Variants in CLIC1 observed in about 807,000 individuals in gnomAD.
CLIC1 encodes the protein chloride intracellular channel protein 1.
In CLIC1, 16 loss-of-function variants were observed where a neutral mutation model predicts 26.4. The ratio of observed to expected loss-of-function variants is 0.61; its 90% CI spans 0.41 to 0.92. The LOEUF (loss-of-function observed/expected upper bound fraction) is 0.92, where lower values mean the gene tolerates loss of function less well. Among genes scored for constraint, CLIC1 ranks in the 40% least tolerant of loss-of-function variants. The pLI is 0.00. For missense variants in CLIC1, 225 were observed against 289.7 expected (o/e 0.78, Z 1.62); for synonymous variants, 98 against 120.8 (o/e 0.81, Z 1.24).
chr6:31,730,963 GC>G lies in CLIC1; in HGVS notation c.604del (p.Ala202ProfsTer9). ...CAAGTACCGATGCACTCCCCGGAAG[GC>G]CTCGGGGATGGTGAATCCCCGGTAC... On this transcript the variant is annotated frameshift_variant, in exon 6 of 6. Transcript: ENST00000375784. LOFTEE classifies it high-confidence loss of function. The surrounding 1 kb of genome is among the most constrained non-coding windows in gnomAD (Gnocchi z 5.1). 6.2e-7 allele frequency: 1 copy of G among 1,613,000 alleles called. No homozygotes were observed.
chr6:31,733,501 G>T lies in CLIC1; in HGVS notation c.382+65C>A. 1.7e-6 allele frequency: 2 copies of T among 1,176,862 alleles called. No homozygotes were observed. The highest frequency in any genetic ancestry group is 2.5e-6 in the Non-Finnish European group (2 of 789,096). The allele number at this position is 1,176,862 out of a possible 1,614,324, so 72.9% of individuals were successfully genotyped here. On this transcript the variant is annotated intron_variant, in intron 4 of 5. Coordinates refer to ENST00000375784, the Ensembl canonical transcript of CLIC1. This position sits in a 1 kb window ranked among gnomAD's most constrained non-coding sequence, Gnocchi z 5.4. ...ATCTGAACGTCCAGGTGCCCCTAAT[G>T]TCTCCTACCCGCTGGGTCCTCTCTA...
Position 31,732,479 on chromosome 6 carries a change from T to C in CLIC1, c.383-81A>G, listed in dbSNP as rs1583860234. ...AAGGCCCGTTGGGGGTGGATACTAATGGTGAGTCCAAAATAATAATAGCTA... is the reference window on the plus strand; with the variant it reads ...AAGGCCCGTTGGGGGTGGATACTAACGGTGAGTCCAAAATAATAATAGCTA... On this transcript the variant is annotated intron_variant, in intron 4 of 5. Transcript: ENST00000375784. The surrounding 1 kb of genome is among the most constrained non-coding windows in gnomAD (Gnocchi z 5.0). The C allele has an allele frequency of 2.1e-6, 2 of 956,828 alleles. No individual in the cohort carries two copies. Among genetic ancestry groups the C allele is most frequent in the South Asian group, 2.3e-5 (1 of 43,570 alleles). 59.3% of individuals were successfully genotyped at this position (956,828 alleles called of 1,614,324 possible).
rs1442191438 is a variant in CLIC1 at position 31,736,367 on chromosome 6, C to T, written c.-67G>A. ...TGGGAGGGGCTGGGACCGGGGAAGG[C>T]GGGTCTCACACTCAGGGACTCTCTC... On this transcript the variant is annotated 5_prime_UTR_variant, in exon 1 of 6. Coordinates refer to ENST00000375784, the Ensembl canonical transcript of CLIC1. This position sits in a 1 kb window ranked among gnomAD's most constrained non-coding sequence, Gnocchi z 5.0. The T allele has an allele frequency of 1.9e-6, 3 of 1,610,788 alleles. No individual in the cohort carries two copies. Among genetic ancestry groups the T allele is most frequent in the East Asian group, 2.2e-5 (1 of 44,868 alleles).
At position 31,736,153 on chromosome 6, in the gene CLIC1, G is replaced by C; in HGVS notation, c.39+109C>G. On this transcript the variant is annotated intron_variant, in intron 1 of 5. Transcript: ENST00000375784. This position sits in a 1 kb window ranked among gnomAD's most constrained non-coding sequence, Gnocchi z 5.0. ...TCAACCAAAGAGTGCACGTGGGATT[G>C]GGGGTGGGAGTCAAGGAGGGAAGGG... 9.0e-7 allele frequency: 1 copy of C among 1,112,708 alleles called. No individual in the cohort carries two copies. Among genetic ancestry groups the C allele is most frequent in the Admixed American group, 1.7e-5 (1 of 58,006 alleles). The allele number at this position is 1,112,708 out of a possible 1,614,324, so 68.9% of individuals were successfully genotyped here.
In CLIC1 at chr6:31,731,008, G is replaced by T. The variant is rs1374785218; in HGVS notation, c.565-5C>A. The T allele has an allele frequency of 6.2e-7, 1 of 1,612,084 alleles. No homozygotes were observed. The highest frequency in any genetic ancestry group is 8.5e-7 in the Non-Finnish European group (1 of 1,179,682). On this transcript the variant is annotated splice_polypyrimidine_tract_variant and splice_region_variant and intron_variant, in intron 5 of 5. Coordinates refer to ENST00000375784, the Ensembl canonical transcript of CLIC1. ...CCGGTACTTCTTACACACCACCTGA[G>T]GATGGGGAGAGGAGAGGGACCAACA...
chr6:31,736,918 G>A, upstream of CLIC1: 7 of 985,734 alleles, frequency 7.1e-6, no homozygotes, highest in Non-Finnish European at 8.4e-6. The surrounding 1 kb of genome is among the most constrained non-coding windows in gnomAD (Gnocchi z 5.0). Flanking sequence ...TGTGGTCTGA[G>A]AGAAGAACTC....
At position 31,733,374 on chromosome 6, in the gene CLIC1, A is replaced by G. The variant is rs1248169060; in HGVS notation, c.382+192T>C. Among the ~76,000 whole-genome samples the G allele has an allele frequency of 6.6e-6, 1 of 152,176 alleles. No homozygotes were observed. The highest frequency in any genetic ancestry group is 1.5e-5 in the Non-Finnish European group (1 of 68,024). Reference sequence around the variant, plus strand: ...GAAGAGGCTAGGGAACAAATGAGAAAAGCTTAAAAGTCTTGGCCAATGAAA... The same window carrying G: ...GAAGAGGCTAGGGAACAAATGAGAAGAGCTTAAAAGTCTTGGCCAATGAAA... On this transcript the variant is annotated intron_variant, in intron 4 of 5. Coordinates refer to ENST00000375784, the Ensembl canonical transcript of CLIC1. The surrounding 1 kb of genome is among the most constrained non-coding windows in gnomAD (Gnocchi z 5.4).
At chr6:31,737,046 C>T (rs896144555), upstream of CLIC1, 31 of 603,672 alleles carry the variant, frequency 5.1e-5, no homozygotes, top group Non-Finnish European at 6.4e-5. Context: ...AGGTCCTGTG[C>T]CCCCCGCAGT....
chr6:31,731,108 C>A, intron 5 of CLIC1, 105 bp from the exon 6 acceptor site: 1 of 869,230 alleles, frequency 1.2e-6, no homozygotes, highest in Non-Finnish European at 1.8e-6. Context: ...CAACTCCTCA[C>A]TGTCTTGTAC....
rs1808204368 is a variant in CLIC1 at position 31,734,484 on chromosome 6, G to A, written c.40-221C>T. Among the ~76,000 whole-genome samples the A allele has an allele frequency of 1.3e-5, 2 of 152,244 alleles. No homozygotes were observed. The highest frequency in any genetic ancestry group is 2.4e-5 in the African/African-American group (1 of 41,466). ...AGGCTTCTGGTTCCCCAGACACTGA[G>A]GACAGGTGGGAGGTAGGTAGAGGGA... On this transcript the variant is annotated intron_variant, in intron 1 of 5. Transcript: ENST00000375784. The surrounding 1 kb of genome is among the most constrained non-coding windows in gnomAD (Gnocchi z 5.3).
Position 31,732,148 on chromosome 6 carries a change from A to C in CLIC1, c.564+69T>G, listed in dbSNP as rs1808007605. Reference sequence around the variant, plus strand: ...TCGTCTTTAGAGTGGTTGTCAGGGGAAGCCCATGTGGGAGCTCCTTAAAGG... The same window carrying C: ...TCGTCTTTAGAGTGGTTGTCAGGGGCAGCCCATGTGGGAGCTCCTTAAAGG... On this transcript the variant is annotated intron_variant, in intron 5 of 5. Transcript: ENST00000375784. The surrounding 1 kb of genome is among the most constrained non-coding windows in gnomAD (Gnocchi z 5.0). 5 of 1,261,244 alleles carry C rather than the reference A, an allele frequency of 4.0e-6. No individual in the cohort carries two copies. Among genetic ancestry groups the C allele is most frequent in the Non-Finnish European group, 5.2e-6 (5 of 959,472 alleles). The allele number at this position is 1,261,244 out of a possible 1,614,324, so 78.1% of individuals were successfully genotyped here.
Position 31,733,168 on chromosome 6 carries a change from G to GTCATCCTAA in CLIC1, c.382+389_382+397dup, listed in dbSNP as rs1468638662. The stretch of plus-strand genomic sequence containing the variant: ...TATATCAACCCATGAAATAGGTATT[G>GTCATCCTAA]TCATCCTAATTTTGTGGATCTGGAA... On this transcript the variant is annotated intron_variant, in intron 4 of 5. Coordinates refer to ENST00000375784, the Ensembl canonical transcript of CLIC1. The surrounding 1 kb of genome is among the most constrained non-coding windows in gnomAD (Gnocchi z 5.4). Among the ~76,000 whole-genome samples the GTCATCCTAA allele has an allele frequency of 6.6e-6, 1 of 151,976 alleles. No homozygotes were observed. The highest frequency in any genetic ancestry group is 6.5e-5 in the Admixed American group (1 of 15,270).
chr6:31,730,772 G>A lies in CLIC1; in HGVS notation c.*70C>T, dbSNP rs2036882059. The A allele has an allele frequency of 6.5e-7, 1 of 1,539,780 alleles. No homozygotes were observed. Among genetic ancestry groups the A allele is most frequent in the Non-Finnish European group, 8.9e-7 (1 of 1,119,848 alleles). ...GGCCATTTTGGAGTGTGTCCATTGG[G>A]TAGCAATGTGGAAACCACCAGGGCC... is the stretch of plus-strand genomic sequence containing the variant. On this transcript the variant is annotated 3_prime_UTR_variant, in exon 6 of 6. Coordinates refer to ENST00000375784, the Ensembl canonical transcript of CLIC1. The surrounding 1 kb of genome is among the most constrained non-coding windows in gnomAD (Gnocchi z 5.1).
At position 31,734,181 on chromosome 6, in the gene CLIC1, A is replaced by C. The variant is rs749827308; in HGVS notation, c.122T>G (p.Phe41Cys). The C allele has an allele frequency of 6.2e-7, 1 of 1,614,060 alleles. No individual in the cohort carries two copies. The highest frequency in any genetic ancestry group is 8.5e-7 in the Non-Finnish European group (1 of 1,179,924). The change falls in exon 2 of 6, where the codon TTC becomes TGC. Residue 41 changes from phenylalanine to cysteine, a missense_variant. Physicochemically the swap from Phe to Cys is radical, Grantham distance 205 (BLOSUM62 -2). Coordinates refer to ENST00000375784, the Ensembl canonical transcript of CLIC1. The surrounding 1 kb of genome is among the most constrained non-coding windows in gnomAD (Gnocchi z 5.3). ...TTTGGTGTCAACGGTGGTAACATTGAAGGTGACTCCCTTGAGCCACAGTAC... is the reference window on the plus strand; with the variant it reads ...TTTGGTGTCAACGGTGGTAACATTGCAGGTGACTCCCTTGAGCCACAGTAC...
chr6:31,730,890 A>G lies in CLIC1; in HGVS notation c.678T>C (p.Asp226=). ...GCTCATAGGCGAGCTCGATCTCCTC[A>G]TCATCTGGACAGGTGGAAGCGAATT... Residue 226 remains aspartate, a synonymous_variant, in exon 6 of 6, where the codon GAT becomes GAC. Transcript: ENST00000375784. This position sits in a 1 kb window ranked among gnomAD's most constrained non-coding sequence, Gnocchi z 5.1. 6.2e-7 allele frequency: 1 copy of G among 1,613,086 alleles called. No individual in the cohort carries two copies. Among genetic ancestry groups the G allele is most frequent in the Non-Finnish European group, 8.5e-7 (1 of 1,180,032 alleles).
chr6:31,736,164 T>G lies in CLIC1; in HGVS notation c.39+98A>C, dbSNP rs1808317196. The G allele has an allele frequency of 8.6e-6, 11 of 1,273,310 alleles. No homozygotes were observed. The South Asian group carries it at 1.3e-4, about 15-fold the overall frequency. 78.9% of individuals were successfully genotyped at this position (1,273,310 alleles called of 1,614,324 possible). ...GTGCACGTGGGATTGGGGGTGGGAG[T>G]CAAGGAGGGAAGGGATTGGGGAGTT... is the stretch of plus-strand genomic sequence containing the variant. On this transcript the variant is annotated intron_variant, in intron 1 of 5. Coordinates refer to ENST00000375784, the Ensembl canonical transcript of CLIC1. The surrounding 1 kb of genome is among the most constrained non-coding windows in gnomAD (Gnocchi z 5.0).
chr6:31,732,153 C>G lies in CLIC1; in HGVS notation c.564+64G>C, dbSNP rs1177933106. ...TTTAGAGTGGTTGTCAGGGGAAGCCCATGTGGGAGCTCCTTAAAGGGCCAC... is the reference window on the plus strand; with the variant it reads ...TTTAGAGTGGTTGTCAGGGGAAGCCGATGTGGGAGCTCCTTAAAGGGCCAC... On this transcript the variant is annotated intron_variant, in intron 5 of 5. Coordinates refer to ENST00000375784, the Ensembl canonical transcript of CLIC1. The surrounding 1 kb of genome is among the most constrained non-coding windows in gnomAD (Gnocchi z 5.0). The G allele has an allele frequency of 5.4e-6, 7 of 1,289,162 alleles. No homozygotes were observed. In the East Asian group the frequency reaches 2.0e-4, roughly 36 times the overall value. The allele number at this position is 1,289,162 out of a possible 1,614,324, so 79.9% of individuals were successfully genotyped here.
In CLIC1 at chr6:31,736,257, C is replaced by G. The variant is rs372429623; in HGVS notation, c.39+5G>C. On this transcript the variant is annotated splice_donor_5th_base_variant and intron_variant, in intron 1 of 5. Transcript: ENST00000375784. This position sits in a 1 kb window ranked among gnomAD's most constrained non-coding sequence, Gnocchi z 5.0. ...TTGGGTGGCTGAGGAGAGAAGTGTT[C>G]TTACCTTCACGAACAATTCGACCTG... is the stretch of plus-strand genomic sequence containing the variant. 6 of 1,612,724 alleles carry G rather than the reference C, an allele frequency of 3.7e-6. No individual in the cohort carries two copies. Among genetic ancestry groups the G allele is most frequent in the Non-Finnish European group, 3.4e-6 (4 of 1,179,946 alleles).
chr6:31,731,605 C>G (rs1160532144), intron 5 of CLIC1, among the ~76,000 whole-genome samples: 1 of 152,210 alleles, frequency 6.6e-6, no homozygotes, highest in Non-Finnish European at 1.5e-5. Context: ...CCCGGCCCAT[C>G]TGACTTTTCA....
Sources: gnomAD v4.1 joint callset for allele counts (sites outside exome capture counted in the v4.1 genomes callset) on GRCh38, gnomAD v4.1.1 for gene constraint, Gnocchi (gnomAD v3.1) non-coding constraint, MANE v1.5 for transcripts, NCBI Gene and HGNC (gene_info 2026-07-23, HGNC 2026-07-21) for gene names.